Variants in KCNIP4 observed in about 807,000 individuals in gnomAD.
KCNIP4 encodes the protein potassium voltage-gated channel interacting protein 4.
Under a neutral mutation model 34.0 loss-of-function variants are expected in KCNIP4, and 12 were observed. That is an observed-to-expected ratio of 0.35 (90% CI 0.23 to 0.57). KCNIP4 has a LOEUF of 0.57. KCNIP4 is among the 20% of genes least tolerant of loss of function. The probability of loss-of-function intolerance (pLI) is 0.83; values close to 1 mark genes in which losing one functional copy is unlikely to be tolerated. For missense variants in KCNIP4, 238 were observed against 311.7 expected (o/e 0.76, Z 1.78); for synonymous variants, 124 against 102.2 (o/e 1.21, Z -1.29).
chr4:21,637,586 C>A (rs905050205), intron 1 of KCNIP4, among the ~76,000 whole-genome samples: 1 of 151,910 alleles, frequency 6.6e-6, no homozygotes, highest in Admixed American at 6.6e-5. Context: ...CATTCAAGAC[C>A]AGACTGGTGA....
chr4:20,758,707 A>G, intron 4 of KCNIP4, 114 bp downstream of exon 4: 2 of 806,250 alleles, frequency 2.5e-6, no homozygotes, highest in Non-Finnish European at 4.1e-6. Context: ...CTGTGCATTA[A>G]TTCTTTTACA....
chr4:21,611,942 G>A (rs550875079), intron 1 of KCNIP4, among the ~76,000 whole-genome samples: 5 of 152,280 alleles, frequency 3.3e-5, no homozygotes, highest in East Asian at 3.9e-4. Flanking sequence ...TAAACTTAGA[G>A]AAACTGCATG....
chr4:21,290,732 A>T (rs1324382060), intron 1 of KCNIP4, among the ~76,000 whole-genome samples: 1 of 152,172 alleles, frequency 6.6e-6, no homozygotes, highest in Admixed American at 6.5e-5. Flanking sequence ...AACCAAGCTT[A>T]GAAGGGGCAG....
At position 20,729,525 on chromosome 4, in the gene KCNIP4, A is replaced by G. The variant is rs1424236256; in HGVS notation, c.*557T>C. ...ATGTTTAAAAATGCCAGATAAAACTAATTTCTAACAGAAGGTGGGAAGGCC... is the reference window on the plus strand; with the variant it reads ...ATGTTTAAAAATGCCAGATAAAACTGATTTCTAACAGAAGGTGGGAAGGCC... On this transcript the variant is annotated 3_prime_UTR_variant, in exon 9 of 9. Transcript: ENST00000382152. 4.6e-5 allele frequency: 7 copies of G among 152,134 alleles called. No individual in the cohort carries two copies. The highest frequency in any genetic ancestry group is 4.6e-4 in the Admixed American group (7 of 15,266). The allele number at this position is 152,134 out of a possible 1,614,324, so 9.4% of individuals were successfully genotyped here.
intron 1 of KCNIP4, among the ~76,000 whole-genome samples, chr4:21,112,456 G>A (rs1001470422): frequency 1.3e-5 from 2 of 152,182 alleles, no homozygotes; most frequent in African/African-American, 2.4e-5. Flanking sequence ...GATGTCTTCC[G>A]AGTAAAGCTA....
At chr4:21,377,702 T>C (rs1311900946) in intron 1 of KCNIP4, among the ~76,000 whole-genome samples, 1 of 152,094 alleles carries the variant, frequency 6.6e-6, no homozygotes, top group Non-Finnish European at 1.5e-5. Context: ...GCACACATAA[T>C]AGGAAGTGAT....
At chr4:21,927,116 C>T (rs996155259) in intron 1 of KCNIP4, among the ~76,000 whole-genome samples, 8 of 152,048 alleles carry the variant, frequency 5.3e-5, no homozygotes, top group African/African-American at 1.7e-4. Flanking sequence ...TCTTCAAAGC[C>T]AAAAACTTTG....
chr4:21,732,395 T>C (rs796487037), intron 1 of KCNIP4, among the ~76,000 whole-genome samples: 5 of 152,300 alleles, frequency 3.3e-5, no homozygotes, highest in African/African-American at 1.2e-4. Flanking sequence ...CTAAGTTCAA[T>C]TCCCGAGAAG....
At chr4:20,947,319 C>A (rs534446306) in intron 1 of KCNIP4, among the ~76,000 whole-genome samples, 1 of 152,238 alleles carries the variant, frequency 6.6e-6, no homozygotes, top group Admixed American at 6.5e-5. Context: ...CAGACATGCA[C>A]CAACACTCTC....
intron 1 of KCNIP4, among the ~76,000 whole-genome samples, chr4:21,350,859 T>C (rs1717942061): frequency 6.6e-6 from 1 of 152,174 alleles, no homozygotes; most frequent in Non-Finnish European, 1.5e-5. Context: ...TATTTAGACA[T>C]CTAGTTTTTA....
At chr4:20,973,598 C>T (rs534778426) in intron 1 of KCNIP4, among the ~76,000 whole-genome samples, 1 of 152,180 alleles carries the variant, frequency 6.6e-6, no homozygotes, top group African/African-American at 2.4e-5. Context: ...GCCCAAGAGG[C>T]TTAGTGTTTG....
At chr4:21,348,602 C>T (rs1717697946) in intron 1 of KCNIP4, among the ~76,000 whole-genome samples, 1 of 152,126 alleles carries the variant, frequency 6.6e-6, no homozygotes. Flanking sequence ...ACCAAACCAT[C>T]TTAATATAGA....
intron 2 of KCNIP4, among the ~76,000 whole-genome samples, chr4:20,853,240 A>G (rs1215299454): frequency 1.3e-5 from 2 of 152,238 alleles, no homozygotes; most frequent in Admixed American, 1.3e-4. Flanking sequence ...ATTTCAAATT[A>G]TACTATAAAG....
chr4:21,823,708 C>T (rs114851681), intron 1 of KCNIP4, among the ~76,000 whole-genome samples: 1 of 152,238 alleles, frequency 6.6e-6, no homozygotes, highest in African/African-American at 2.4e-5. Flanking sequence ...AATGACTACT[C>T]ACCTGAGAAA....
chr4:21,919,458 A>G (rs1029410972), intron 1 of KCNIP4, among the ~76,000 whole-genome samples: 3 of 152,174 alleles, frequency 2.0e-5, no homozygotes, highest in African/African-American at 7.2e-5. Context: ...ATTTGGGAAG[A>G]AGCTTTAATA....
intron 1 of KCNIP4, among the ~76,000 whole-genome samples, chr4:21,128,043 G>C (rs1422062053): frequency 6.6e-6 from 1 of 152,150 alleles, no homozygotes; most frequent in Non-Finnish European, 1.5e-5. Context: ...TATTAAAAGG[G>C]TTCCTGGTCT....
intron 1 of KCNIP4, among the ~76,000 whole-genome samples, chr4:21,107,474 A>T (rs1484898753): frequency 2.0e-5 from 3 of 150,650 alleles, no homozygotes; most frequent in African/African-American, 5.0e-5. Flanking sequence ...CCATCCTTTT[A>T]TTTTGAGCCT....
intron 1 of KCNIP4, among the ~76,000 whole-genome samples, chr4:21,796,282 A>G (rs569265186): frequency 6.6e-6 from 1 of 152,212 alleles, no homozygotes; most frequent in East Asian, 1.9e-4. Context: ...GTTCTCTCCA[A>G]CCTTTCATTC....
At chr4:20,925,110 C>T (rs1489906342) in intron 1 of KCNIP4, among the ~76,000 whole-genome samples, 1 of 152,150 alleles carries the variant, frequency 6.6e-6, no homozygotes, top group Non-Finnish European at 1.5e-5. Flanking sequence ...ATGCTTGTTG[C>T]ATAAGAGAGA....
Sources: allele counts gnomAD v4.1 joint callset (sites outside exome capture counted in the v4.1 genomes callset), GRCh38; gene constraint gnomAD v4.1.1; transcripts MANE v1.5; gene names NCBI Gene and HGNC (gene_info 2026-07-23, HGNC 2026-07-21).